SLC24A4: variants seen among roughly 807,000 people sequenced by gnomAD.
SLC24A4 encodes the protein solute carrier family 24 member 4.
In SLC24A4, 53 loss-of-function variants were observed where a neutral mutation model predicts 79.0. The ratio of observed to expected loss-of-function variants is 0.67; its 90% confidence interval spans 0.54 to 0.84. SLC24A4 has a LOEUF of 0.84. Ranked by LOEUF, SLC24A4 falls within the 40% of genes least tolerant of loss-of-function variation. The probability of loss-of-function intolerance (pLI) is 0.00; values close to 1 mark genes in which losing one functional copy is unlikely to be tolerated. For missense variants in SLC24A4, 731 were observed against 822.0 expected (o/e 0.89, Z 1.35); for synonymous variants, 323 against 323.8 (o/e 1.00, Z 0.03).
intron 2 of SLC24A4, among the ~76,000 whole-genome samples, chr14:92,374,550 C>T (rs533255318): frequency 2.7e-4 from 41 of 152,342 alleles, no homozygotes; most frequent in African/African-American, 9.6e-4. Context: ...CTGAGCACCT[C>T]CTCCACGATT....
chr14:92,423,664 C>CTA (rs1417647793), intron 2 of SLC24A4, among the ~76,000 whole-genome samples: 20 of 152,284 alleles, frequency 1.3e-4, no homozygotes, highest in Middle Eastern at 6.8e-3. Context: ...TCAGAGTTTA[C>CTA]TATAGCAAGG....
intron 2 of SLC24A4, among the ~76,000 whole-genome samples, chr14:92,341,327 A>T (rs941060259): frequency 5.9e-5 from 9 of 152,322 alleles, no homozygotes; most frequent in African/African-American, 2.2e-4. Context: ...AAGGCAGGAC[A>T]TGCTTATTGG....
chr14:92,447,472 G>T, intron 9 of SLC24A4, 48 bp downstream of exon 9: 1 of 1,527,046 alleles, frequency 6.5e-7, no homozygotes, highest in South Asian at 1.1e-5. Flanking sequence ...TTGCCCCACT[G>T]CCTGCTACAG....
intron 2 of SLC24A4, among the ~76,000 whole-genome samples, chr14:92,350,081 A>G (rs1213121516): frequency 1.3e-5 from 2 of 152,210 alleles, no homozygotes; most frequent in African/African-American, 4.8e-5. Flanking sequence ...TGTGCTCAAT[A>G]ACTACAGGGT....
intron 12 of SLC24A4, among the ~76,000 whole-genome samples, chr14:92,460,281 T>C (rs1279216720): frequency 3.9e-5 from 6 of 152,192 alleles, no homozygotes; most frequent in African/African-American, 1.2e-4. Flanking sequence ...ATCCACAAAG[T>C]GGCGGGTGAC....
chr14:92,453,937 G>A lies in SLC24A4; in HGVS notation c.918G>A (p.Val306=), dbSNP rs760969576. 3 of 1,613,288 alleles carry A rather than the reference G, an allele frequency of 1.9e-6. No individual in the cohort carries two copies. Among genetic ancestry groups the A allele is most frequent in the African/African-American group, 2.7e-5 (2 of 74,882 alleles). ...CACAGTATGGCAAGAACCCCGTGGTGATGGTGGACGAGATTATGAGCTCCA... is the reference window on the plus strand; with the variant it reads ...CACAGTATGGCAAGAACCCCGTGGTAATGGTGGACGAGATTATGAGCTCCA... The part of the protein sequence containing the change: ...EKPQYGKNPV[V]MVDEIMSSSP... Residue 306 remains valine (V), a synonymous_variant, in exon 11 of 17, where the codon GTG becomes GTA. Coordinates refer to ENST00000532405, the MANE Select transcript of SLC24A4 (RefSeq NM_153646.4).
chr14:92,385,008 G>A (rs1381724893), intron 2 of SLC24A4, among the ~76,000 whole-genome samples: 2 of 152,214 alleles, frequency 1.3e-5, no homozygotes, highest in Non-Finnish European at 2.9e-5. Flanking sequence ...TAAGAGAGAA[G>A]GGAGTTCTGA....
intron 2 of SLC24A4, among the ~76,000 whole-genome samples, chr14:92,383,687 C>T (rs531741775): frequency 2.0e-5 from 3 of 152,292 alleles, no homozygotes; most frequent in African/African-American, 7.2e-5. Flanking sequence ...GCCCTCCCTA[C>T]CCCAGCAAGG....
intron 2 of SLC24A4, among the ~76,000 whole-genome samples, chr14:92,399,721 C>T (rs1595220102): frequency 6.6e-6 from 1 of 152,178 alleles, no homozygotes; most frequent in East Asian, 1.9e-4. Flanking sequence ...GCGCATTGTC[C>T]CAATGAGAGT....
chr14:92,439,350 T>C lies in SLC24A4; in HGVS notation c.334T>C (p.Tyr112His), dbSNP rs781106291. Residue 112 changes from tyrosine to histidine, a missense_variant, in exon 4 of 17, where the codon TAT (tyrosine) becomes CAT (histidine). Coordinates refer to ENST00000532405, the MANE Select transcript of SLC24A4 (RefSeq NM_153646.4). ...LHILGALYMFYALAIVCDDFF... is the reference protein window; with the variant it reads ...LHILGALYMFHALAIVCDDFF... ...TCCTTTGCAGGCTCTGTATATGTTC[T>C]ATGCCTTGGCCATAGTGTGCGATGA... 6.2e-6 allele frequency: 10 copies of C among 1,612,828 alleles called. No homozygotes were observed. The Admixed American group carries it at 1.7e-4, about 27-fold the overall frequency.
chr14:92,467,625 G>A (rs1894194318), intron 12 of SLC24A4, among the ~76,000 whole-genome samples: 1 of 152,156 alleles, frequency 6.6e-6, no homozygotes, highest in Admixed American at 6.5e-5. Context: ...AACCATCCAG[G>A]CCACTTGCCC....
At chr14:92,439,775 G>C (rs956412376) in intron 4 of SLC24A4, among the ~76,000 whole-genome samples, 4 of 152,252 alleles carry the variant, frequency 2.6e-5, no homozygotes. Context: ...GCAGGTGACA[G>C]GTGGGCCCAC....
rs1347052171 is a variant in SLC24A4, at chr14:92,449,120, A to T, written c.784A>T (p.Ile262Phe). The change falls in exon 10 of 17, where the codon ATT (isoleucine) becomes TTT (phenylalanine). Residue 262 changes from isoleucine to phenylalanine, a missense_variant. By Grantham distance (21) the Ile-to-Phe change is conservative. Transcript: ENST00000532405. The stretch of plus-strand genomic sequence containing the variant: ...CTTTTTCACAGTCAAACAAAAGAGC[A>T]TTGCAAACGGTAACCCGGTCAACAG... ...QAFFTVKQKS[I>F]ANGNPVNSEL... 3 of 1,614,230 alleles carry T rather than the reference A, an allele frequency of 1.9e-6. No individual in the cohort carries two copies. Among genetic ancestry groups the T allele is most frequent in the Admixed American group, 3.3e-5 (2 of 60,030 alleles).
chr14:92,384,038 C>T (rs1022976436), intron 2 of SLC24A4, among the ~76,000 whole-genome samples: 3 of 152,156 alleles, frequency 2.0e-5, no homozygotes, highest in Non-Finnish European at 2.9e-5. Flanking sequence ...AGATATGAAC[C>T]GAGTAAACAC....
At chr14:92,338,755 G>T (rs1203142501) in intron 2 of SLC24A4, among the ~76,000 whole-genome samples, 2 of 152,170 alleles carry the variant, frequency 1.3e-5, no homozygotes, top group Non-Finnish European at 2.9e-5. Flanking sequence ...GCCTATTGGG[G>T]GCAGTCTCCC....
chr14:92,476,339 A>G (rs1894762170), intron 12 of SLC24A4, among the ~76,000 whole-genome samples: 1 of 152,240 alleles, frequency 6.6e-6, no homozygotes, highest in Non-Finnish European at 1.5e-5. Context: ...CCATTTGTAC[A>G]GGGACTACAA....
At chr14:92,491,557 A>G in intron 14 of SLC24A4, 108 bp from the exon 15 acceptor site, 2 of 772,158 alleles carry the variant, frequency 2.6e-6, no homozygotes, top group Non-Finnish European at 4.5e-6. Flanking sequence ...AGGTCCTTGC[A>G]GAAGGAATTG....
intron 2 of SLC24A4, among the ~76,000 whole-genome samples, chr14:92,372,176 G>C (rs562976896): frequency 7.9e-5 from 12 of 152,330 alleles, no homozygotes; most frequent in Admixed American, 4.6e-4. Flanking sequence ...ATGCAGGGAG[G>C]CATGAACCAG....
At chr14:92,391,979 T>C (rs61975648) in intron 2 of SLC24A4, among the ~76,000 whole-genome samples, 10,616 of 152,186 alleles carry the variant, frequency 0.07, 508 homozygotes, top group Non-Finnish European at 0.096. Context: ...ACCCCAGCTC[T>C]ACGTTCTCCC....
Sources: gnomAD v4.1 joint callset for allele counts (sites outside exome capture counted in the v4.1 genomes callset) on GRCh38, gnomAD v4.1.1 for gene constraint, MANE v1.5 for transcripts, NCBI Gene and HGNC (gene_info 2026-07-23, HGNC 2026-07-21) for gene names.